Variants in ARID1B observed in about 807,000 individuals in gnomAD.
ARID1B encodes the protein AT-rich interactive domain-containing protein 1B.
ARID1B carries 30 observed loss-of-function variants against 212.3 expected under a neutral mutation model. The observed-to-expected ratio is 0.14, with a 90% CI of 0.11 to 0.19. ARID1B has a LOEUF of 0.19. Among genes scored for constraint, ARID1B ranks in the 10% least tolerant of loss-of-function variants. The pLI, the probability that ARID1B is intolerant of heterozygous loss-of-function variation, is 1.00. For synonymous variants in ARID1B, 1,402 were observed against 1,301.7 expected, an observed-to-expected ratio of 1.08 and a Z score of -1.66; for missense variants, 2,891 against 3,204.0, an observed-to-expected ratio of 0.90 and a Z score of 2.36.
At chr6:156,947,455 G>A (rs546161441) in intron 4 of ARID1B, among the ~76,000 whole-genome samples, 1 of 151,814 alleles carries the variant, frequency 6.6e-6, no homozygotes, top group South Asian at 2.1e-4. Context: ...GATGTAGGGC[G>A]TGTGAGTATG....
intron 4 of ARID1B, among the ~76,000 whole-genome samples, chr6:157,049,200 T>C (rs1782430173): frequency 1.3e-5 from 2 of 149,384 alleles, no homozygotes; most frequent in African/African-American, 2.5e-5. Context: ...AAAGACTTGC[T>C]GCCTTGATTT....
chr6:156,900,618 A>G (rs1788841144), intron 2 of ARID1B, among the ~76,000 whole-genome samples: 1 of 152,214 alleles, frequency 6.6e-6, no homozygotes, highest in Non-Finnish European at 1.5e-5. Context: ...GAAAAAGGCA[A>G]TAGATTTCTC....
rs1562542228 is a variant in ARID1B at position 157,004,897 on chromosome 6, C to CTTTTTTGTTTTTTTTTTTTTT, written c.2247+69327_2247+69328insGTTTTTTTTTTTTTTTTTTTT. On this transcript the variant is annotated intron_variant, in intron 4 of 19. Coordinates refer to ENST00000636930, the MANE Select transcript of ARID1B (RefSeq NM_001374828.1). ...TTTTTTCTTTTTCTTCTTCTTTTTTCTTTTTTTTTTTTTTTTTTTTTTTTT... is the reference window on the plus strand; with the variant it reads ...TTTTTTCTTTTTCTTCTTCTTTTTTCTTTTTTGTTTTTTTTTTTTTTTTTTTTTTTTTTTTTTTTTTTTTTT... Among the ~76,000 whole-genome samples the CTTTTTTGTTTTTTTTTTTTTT allele has an allele frequency of 2.2e-4, 12 of 54,722 alleles. 1 individual carries two copies. Among genetic ancestry groups the CTTTTTTGTTTTTTTTTTTTTT allele is most frequent in the South Asian group, 4.5e-4 (1 of 2,234 alleles). 35.9% of individuals were successfully genotyped at this position (54,722 alleles called of 152,430 possible). A position where few individuals can be genotyped will look rare whatever the true frequency, so the allele number is the denominator to read the frequency against.
intron 4 of ARID1B, among the ~76,000 whole-genome samples, chr6:157,058,872 C>A (rs1277442895): frequency 6.6e-6 from 1 of 152,154 alleles, no homozygotes; most frequent in Non-Finnish European, 1.5e-5. Flanking sequence ...CTGGGGTGAT[C>A]AGGCATTGAA....
chr6:156,778,990 GC>G lies in ARID1B; in HGVS notation c.1311del (p.Gly438AlafsTer14). 7.8e-7 allele frequency: 1 copy of G among 1,273,948 alleles called. No individual in the cohort carries two copies. The highest frequency in any genetic ancestry group is 9.8e-7 in the Non-Finnish European group (1 of 1,020,764). 78.9% of individuals were successfully genotyped at this position (1,273,948 alleles called of 1,614,324 possible). ...GCGGCGGCAGCAGCAGGAGGCGGCGGCGGCGGCGGCTATGGGGGCTCGTCCG... is the reference window on the plus strand; with the variant it reads ...GCGGCGGCAGCAGCAGGAGGCGGCGGGGCGGCGGCTATGGGGGCTCGTCCG... ...AAAAAAAGGGGGGGYGGSSAG... is the reference protein window; with the variant it reads ...AAAAAAAGGGXGGGYGGSSAG... On this transcript the variant is annotated frameshift_variant, in exon 1 of 20. Transcript: ENST00000636930. LOFTEE classifies it high-confidence loss of function.
In ARID1B at chr6:156,953,075, T is replaced by C. The variant is rs568103317; in HGVS notation, c.2247+17499T>C. ...ACTGCGTAATTGTGAAACAGTACTGTGTCAGCTTTATGCACTTATTATTAT... is the reference window on the plus strand; with the variant it reads ...ACTGCGTAATTGTGAAACAGTACTGCGTCAGCTTTATGCACTTATTATTAT... On this transcript the variant is annotated intron_variant, in intron 4 of 19. Coordinates refer to ENST00000636930, the MANE Select transcript of ARID1B (RefSeq NM_001374828.1). 9.2e-5 allele frequency among the ~76,000 whole-genome samples: 14 copies of C among 152,384 alleles called. No individual in the cohort carries two copies. The South Asian group carries it at 2.5e-3, about 27-fold the overall frequency.
chr6:157,015,860 C>G (rs534215630), intron 4 of ARID1B, among the ~76,000 whole-genome samples: 1 of 152,366 alleles, frequency 6.6e-6, no homozygotes, highest in Admixed American at 6.5e-5. Flanking sequence ...ACATACATCC[C>G]CCAACCCTCA....
In ARID1B at chr6:157,167,151, C is replaced by T. The variant is rs1383757448; in HGVS notation, c.3201C>T (p.Tyr1067=). 1.9e-6 allele frequency: 3 copies of T among 1,609,886 alleles called. No homozygotes were observed. The highest frequency in any genetic ancestry group is 8.5e-7 in the Non-Finnish European group (1 of 1,179,974). ...TGATGAACACGCAGGCGCCGCCCTA[C>T]AGCATGGCGCCCGCCATGGTGAACA... ...SSLMNTQAPP[Y]SMAPAMVNSS... is the part of the protein sequence containing the mutation. Residue 1067 remains tyrosine (Y), a synonymous_variant, in exon 9 of 20, where the codon TAC becomes TAT. Coordinates refer to ENST00000636930, the MANE Select transcript of ARID1B (RefSeq NM_001374828.1).
intron 15 of ARID1B, among the ~76,000 whole-genome samples, chr6:157,191,423 G>A (rs1793369361): frequency 6.6e-6 from 1 of 152,180 alleles, no homozygotes; most frequent in African/African-American, 2.4e-5. Context: ...GGTAAGGCAT[G>A]GAGTGCATGG....
intron 5 of ARID1B, among the ~76,000 whole-genome samples, chr6:157,101,434 C>G (rs1285928004): frequency 6.6e-6 from 1 of 152,136 alleles, no homozygotes; most frequent in African/African-American, 2.4e-5. Flanking sequence ...TTACCCTTGC[C>G]ACTGTCACAG....
intron 1 of ARID1B, 102 bp from the exon 2 acceptor site, chr6:156,829,125 T>G: frequency 1.0e-6 from 1 of 953,386 alleles, no homozygotes; most frequent in Non-Finnish European, 1.6e-6. Context: ...TTTTAAAACT[T>G]AAGGATAGTT....
At chr6:157,083,415 A>T (rs1784755888) in intron 4 of ARID1B, among the ~76,000 whole-genome samples, 1 of 152,180 alleles carries the variant, frequency 6.6e-6, no homozygotes, top group Non-Finnish European at 1.5e-5. Context: ...GGATGCACTG[A>T]GCACCTGCTG....
At chr6:157,181,319 A>G in intron 12 of ARID1B, 141 bp downstream of exon 12, 1 of 1,062,316 alleles carries the variant, frequency 9.4e-7, no homozygotes, top group South Asian at 1.6e-5. Context: ...CTTGCAACCC[A>G]CGTCTGTGTG....
At chr6:157,152,268 G>C (rs1242538722) in intron 8 of ARID1B, 1 of 152,174 alleles carries the variant, frequency 6.6e-6, no homozygotes, top group Non-Finnish European at 1.5e-5. Flanking sequence ...TAAATGGCAT[G>C]CATCAGAGTG....
chr6:156,986,245 A>G (rs1447637123), intron 4 of ARID1B, among the ~76,000 whole-genome samples: 2 of 152,198 alleles, frequency 1.3e-5, no homozygotes, highest in Non-Finnish European at 2.9e-5. Context: ...TCACTTGTTA[A>G]GTAGATAACA....
intron 2 of ARID1B, among the ~76,000 whole-genome samples, chr6:156,852,862 C>A (rs887792539): frequency 6.6e-6 from 1 of 152,190 alleles, no homozygotes; most frequent in South Asian, 2.1e-4. Context: ...CTTAATATTT[C>A]TTCCTCCTTC....
At position 156,972,786 on chromosome 6, in the gene ARID1B, C is replaced by A. The variant is rs564065403; in HGVS notation, c.2247+37210C>A. On this transcript the variant is annotated intron_variant, in intron 4 of 19. Coordinates refer to ENST00000636930, the MANE Select transcript of ARID1B (RefSeq NM_001374828.1). ...TTCTGATGTTCCTCTTTAAAACAAG[C>A]CATGTGCTAACAAACCAACCACCAA... Among the ~76,000 whole-genome samples the A allele has an allele frequency of 3.9e-5, 6 of 152,270 alleles. No individual in the cohort carries two copies. The South Asian group carries it at 6.2e-4, about 16-fold the overall frequency.
intron 4 of ARID1B, among the ~76,000 whole-genome samples, chr6:157,039,807 T>C (rs575168922): frequency 7.1e-6 from 1 of 140,520 alleles, no homozygotes; most frequent in African/African-American, 2.7e-5. Context: ...TTTCTTTCTC[T>C]TTCTTTCTTT....
At chr6:157,128,477 A>C (rs1788305369) in intron 6 of ARID1B, among the ~76,000 whole-genome samples, 1 of 152,344 alleles carries the variant, frequency 6.6e-6, no homozygotes, top group South Asian at 2.1e-4. Context: ...TGAAGCCAGG[A>C]GTTCGAGACC....
Sources: allele counts gnomAD v4.1 joint callset (sites outside exome capture counted in the v4.1 genomes callset), GRCh38; gene constraint gnomAD v4.1.1; transcripts MANE v1.5; gene names NCBI Gene and HGNC (gene_info 2026-07-23, HGNC 2026-07-21).